TRIM33: variants seen among roughly 807,000 people sequenced by gnomAD.
TRIM33 encodes the protein tripartite motif containing 33.
Under a neutral mutation model 125.4 loss-of-function variants are expected in TRIM33, and 20 were observed. That is an observed-to-expected ratio of 0.16 (90% confidence interval 0.11 to 0.23). The LOEUF is 0.23. Among genes scored for constraint, TRIM33 ranks in the 10% least tolerant of loss-of-function variants. The pLI is 1.00. For missense variants in TRIM33, 920 were observed against 1,411.4 expected (o/e 0.65, Z 5.58); for synonymous variants, 564 against 513.9 (o/e 1.10, Z -1.32).
intron 1 of TRIM33, among the ~76,000 whole-genome samples, chr1:114,496,973 C>T (rs1345693991): frequency 6.6e-6 from 1 of 152,192 alleles, no homozygotes; most frequent in African/African-American, 2.4e-5. Context: ...ATAATAAACA[C>T]CATGCTTTGC....
chr1:114,503,169 A>T (rs1462595955), intron 1 of TRIM33, among the ~76,000 whole-genome samples: 11 of 152,182 alleles, frequency 7.2e-5, no homozygotes, highest in Admixed American at 1.3e-4. Flanking sequence ...AATAAACTTG[A>T]CTACTCTCTC....
At chr1:114,412,160 C>T (rs1652634261) in intron 11 of TRIM33, among the ~76,000 whole-genome samples, 1 of 152,114 alleles carries the variant, frequency 6.6e-6, no homozygotes, top group Admixed American at 6.5e-5. Context: ...ATTGGGAAGA[C>T]AATGCAAAAA....
intron 4 of TRIM33, among the ~76,000 whole-genome samples, chr1:114,451,617 C>G (rs1031293110): frequency 6.6e-6 from 1 of 150,512 alleles, no homozygotes; most frequent in African/African-American, 2.4e-5. Flanking sequence ...TCGAAGACTT[C>G]AATTAAAAAA....
At chr1:114,488,164 A>G (rs1651832270) in intron 1 of TRIM33, among the ~76,000 whole-genome samples, 1 of 152,292 alleles carries the variant, frequency 6.6e-6, no homozygotes, top group African/African-American at 2.4e-5. Context: ...GATATCTAAG[A>G]CGCTATTCAA....
intron 11 of TRIM33, among the ~76,000 whole-genome samples, chr1:114,415,465 C>T (rs1018042894): frequency 6.6e-6 from 1 of 152,186 alleles, no homozygotes; most frequent in Non-Finnish European, 1.5e-5. Context: ...TCTGGAATAT[C>T]TGCCTTCTAA....
chr1:114,454,564 T>C (rs568295330), intron 4 of TRIM33, among the ~76,000 whole-genome samples: 2 of 151,958 alleles, frequency 1.3e-5, no homozygotes, highest in South Asian at 4.2e-4. Flanking sequence ...CACATGCTTG[T>C]AGTCCCAACT....
chr1:114,504,151 T>C (rs909601494), intron 1 of TRIM33, among the ~76,000 whole-genome samples: 2 of 151,546 alleles, frequency 1.3e-5, no homozygotes, highest in African/African-American at 4.9e-5. Flanking sequence ...ATTATCCTTT[T>C]TTTTTATTTT....
chr1:114,510,283 G>A lies in TRIM33; in HGVS notation c.526+268C>T, dbSNP rs114929241. 9.4e-3 allele frequency among the ~76,000 whole-genome samples: 1,434 copies of A among 152,156 alleles called. 21 individuals carry two copies. The highest frequency in any genetic ancestry group is 0.033 in the African/African-American group (1,351 of 41,498). On this transcript the variant is annotated intron_variant, in intron 1 of 19. Coordinates refer to ENST00000358465, the MANE Select transcript of TRIM33 (RefSeq NM_015906.4). ...CTGCCAGCTCCAGAACCAGCGCTCG[G>A]CCGGGTTCCGCACATCACAAACCCT...
At chr1:114,446,444 GA>G (rs1648983281) in intron 4 of TRIM33, among the ~76,000 whole-genome samples, 1 of 151,992 alleles carries the variant, frequency 6.6e-6, no homozygotes, top group Non-Finnish European at 1.5e-5. Flanking sequence ...TAGTACAAAG[GA>G]TAGTAATTGA....
intron 1 of TRIM33, among the ~76,000 whole-genome samples, chr1:114,467,365 C>T (rs1267085952): frequency 1.5e-4 from 23 of 152,074 alleles, no homozygotes. Flanking sequence ...AGTGTTTTAG[C>T]CAGAAATGTA....
At chr1:114,436,488 C>T (rs867057542) in intron 4 of TRIM33, among the ~76,000 whole-genome samples, 5 of 150,630 alleles carry the variant, frequency 3.3e-5, no homozygotes, top group Admixed American at 1.3e-4. Context: ...GTTTTTGAGA[C>T]GGAGTCTCGC....
chr1:114,499,071 T>C (rs1362110807), intron 1 of TRIM33, among the ~76,000 whole-genome samples: 3 of 152,114 alleles, frequency 2.0e-5, no homozygotes, highest in Non-Finnish European at 4.4e-5. Flanking sequence ...CAGAGTAGCA[T>C]CAGCAACACT....
intron 4 of TRIM33, among the ~76,000 whole-genome samples, chr1:114,434,063 A>G (rs1648130650): frequency 6.6e-6 from 1 of 152,234 alleles, no homozygotes; most frequent in African/African-American, 2.4e-5. Flanking sequence ...GCGTAACCAC[A>G]TTATAGAAAA....
Position 114,394,687 on chromosome 1 carries a change from G to T in TRIM33, c.*2961C>A. 5.0e-6 allele frequency: 1 copy of T among 201,384 alleles called. No individual in the cohort carries two copies. The allele number at this position is 201,384 out of a possible 1,614,324, so 12.5% of individuals were successfully genotyped here. A position where few individuals can be genotyped will look rare whatever the true frequency, so the allele number is the denominator to read the frequency against. On this transcript the variant is annotated 3_prime_UTR_variant, in exon 20 of 20. Transcript: ENST00000358465. ...TCCAATGCCTTATCATTTCTCTGTA[G>T]TAATGGTTTGATGTTTCCATATAGA...
intron 11 of TRIM33, among the ~76,000 whole-genome samples, chr1:114,415,626 C>G (rs1417254110): frequency 6.6e-6 from 1 of 152,044 alleles, no homozygotes; most frequent in Non-Finnish European, 1.5e-5. Flanking sequence ...CCATTTGTAC[C>G]AATAAGCTCA....
chr1:114,410,153 TA>T, intron 12 of TRIM33, 30 bp downstream of exon 12: 1 of 1,612,682 alleles, frequency 6.2e-7, no homozygotes, highest in Non-Finnish European at 8.5e-7. Flanking sequence ...TTTAAGGTGT[TA>T]AAAAATAAGG....
intron 1 of TRIM33, among the ~76,000 whole-genome samples, chr1:114,482,386 T>C (rs1651413241): frequency 6.6e-6 from 1 of 151,936 alleles, no homozygotes; most frequent in South Asian, 2.1e-4. Flanking sequence ...TAGCTATGAA[T>C]AGGGAAGAAA....
chr1:114,444,708 C>T (rs1311933713), intron 4 of TRIM33, among the ~76,000 whole-genome samples: 1 of 152,184 alleles, frequency 6.6e-6, no homozygotes, highest in Non-Finnish European at 1.5e-5. Context: ...CAAGAACAAT[C>T]AAGTCTTCAG....
chr1:114,440,337 T>C (rs1430860213), intron 4 of TRIM33, among the ~76,000 whole-genome samples: 1 of 151,770 alleles, frequency 6.6e-6, no homozygotes, highest in East Asian at 1.9e-4. Context: ...AGAAAGTATC[T>C]TAATTTTAGA....
Sources: allele counts gnomAD v4.1 joint callset (sites outside exome capture counted in the v4.1 genomes callset), GRCh38; gene constraint gnomAD v4.1.1; transcripts MANE v1.5; gene names NCBI Gene and HGNC (gene_info 2026-07-23, HGNC 2026-07-21).